The following SLC25A21 variants were observed in gnomAD, a reference collection of about 807,000 sequenced individuals.
SLC25A21 encodes the protein solute carrier family 25 member 21.
In SLC25A21, 47 loss-of-function variants were observed where a neutral mutation model predicts 43.8. The observed-to-expected ratio is 1.07, with a 90% CI of 0.85 to 1.37. The LOEUF (loss-of-function observed/expected upper bound fraction) is 1.37, where lower values mean the gene tolerates loss of function less well. Among genes scored for constraint, SLC25A21 ranks in the 40% most tolerant of loss-of-function variants. The pLI is 0.00. For missense variants in SLC25A21, 352 were observed against 350.2 expected, an observed-to-expected ratio of 1.00 and a Z score of -0.04; for synonymous variants, 131 against 121.3, an observed-to-expected ratio of 1.08 and a Z score of -0.52.
At chr14:36,921,882 C>T (rs1191237051) in intron 1 of SLC25A21, among the ~76,000 whole-genome samples, 1 of 151,954 alleles carries the variant, frequency 6.6e-6, no homozygotes, top group Non-Finnish European at 1.5e-5. Context: ...TGGTGGCTTA[C>T]ACCTGTAAAC....
chr14:36,736,747 A>C lies in SLC25A21; in HGVS notation c.204-2174T>G, dbSNP rs1007287268. Among the ~76,000 whole-genome samples the C allele has an allele frequency of 2.0e-5, 3 of 152,368 alleles. No homozygotes were observed. The East Asian group carries it at 5.8e-4, about 29-fold the overall frequency. ...AGTTATAGGAAGAACAGTTGCTTCA[A>C]CTGGAGAAGAATGATCTTAGGGAGA... On this transcript the variant is annotated intron_variant, in intron 3 of 9. Transcript: ENST00000331299.
intron 2 of SLC25A21, among the ~76,000 whole-genome samples, chr14:36,866,754 T>C (rs544033619): frequency 2.0e-5 from 3 of 152,322 alleles, no homozygotes; most frequent in Admixed American, 2.0e-4. Context: ...TATGGAGCAT[T>C]TGAAATGTGG....
intron 8 of SLC25A21, 105 bp from the exon 9 acceptor site, chr14:36,683,985 T>G: frequency 1.3e-6 from 1 of 744,882 alleles, no homozygotes; most frequent in Non-Finnish European, 2.2e-6. Context: ...ATAAATTATT[T>G]GGAATTACAC....
intron 1 of SLC25A21, among the ~76,000 whole-genome samples, chr14:36,891,902 C>G (rs1476008433): frequency 6.6e-6 from 1 of 152,092 alleles, no homozygotes; most frequent in East Asian, 1.9e-4. Context: ...ACATAGCGAC[C>G]ATGAAGAACA....
At chr14:36,932,028 A>G (rs929993799) in intron 1 of SLC25A21, among the ~76,000 whole-genome samples, 1 of 152,114 alleles carries the variant, frequency 6.6e-6, no homozygotes, top group African/African-American at 2.4e-5. Context: ...GGATTATACC[A>G]TGGATTCTCT....
chr14:36,988,629 A>G (rs912434213), intron 1 of SLC25A21, among the ~76,000 whole-genome samples: 1 of 152,180 alleles, frequency 6.6e-6, no homozygotes, highest in Non-Finnish European at 1.5e-5. Flanking sequence ...CTCACCCCCT[A>G]TTGTATATCT....
At chr14:37,051,750 T>C (rs1356703759) in intron 1 of SLC25A21, among the ~76,000 whole-genome samples, 1 of 152,330 alleles carries the variant, frequency 6.6e-6, no homozygotes, top group South Asian at 2.1e-4. Flanking sequence ...GTAGTTGCTG[T>C]GGTCTTTGTC....
At chr14:36,695,762 C>T (rs946215384) in intron 7 of SLC25A21, among the ~76,000 whole-genome samples, 1 of 152,142 alleles carries the variant, frequency 6.6e-6, no homozygotes, top group South Asian at 2.1e-4. Context: ...GATTTTGTAT[C>T]CTGAGACTTT....
Position 36,954,383 on chromosome 14 carries a change from T to C in SLC25A21, c.71-79379A>G, listed in dbSNP as rs543495405. Among the ~76,000 whole-genome samples the C allele has an allele frequency of 2.6e-5, 4 of 152,156 alleles. No individual in the cohort carries two copies. The East Asian group carries it at 7.7e-4, about 29-fold the overall frequency. On this transcript the variant is annotated intron_variant, in intron 1 of 9. Coordinates refer to ENST00000331299, the MANE Select transcript of SLC25A21 (RefSeq NM_030631.4). The stretch of plus-strand genomic sequence containing the variant: ...AGACTTTCCATTTCTCCTTACTAAC[T>C]ACAGAGGAAGGCCTGAAATCTCTAG...
At chr14:37,020,528 A>C (rs1015728175) in intron 1 of SLC25A21, among the ~76,000 whole-genome samples, 1 of 151,908 alleles carries the variant, frequency 6.6e-6, no homozygotes, top group African/African-American at 2.4e-5. Flanking sequence ...CAAAATAATC[A>C]GAAATATACA....
chr14:36,743,442 A>C (rs1460064612), intron 3 of SLC25A21, among the ~76,000 whole-genome samples: 1 of 152,062 alleles, frequency 6.6e-6, no homozygotes, highest in African/African-American at 2.4e-5. Flanking sequence ...CAAGAAAAAA[A>C]AACAACTCTA....
intron 1 of SLC25A21, among the ~76,000 whole-genome samples, chr14:37,154,268 T>G (rs766025839): frequency 1.3e-4 from 20 of 152,140 alleles, no homozygotes; most frequent in Admixed American, 6.5e-5. Flanking sequence ...TAATCCTGTT[T>G]AGAGCCAAAG....
chr14:37,170,677 A>G (rs1040523403), intron 1 of SLC25A21, among the ~76,000 whole-genome samples: 34 of 151,986 alleles, frequency 2.2e-4, no homozygotes, highest in African/African-American at 8.0e-4. Context: ...CTGTAGTCCC[A>G]CCACTTTGGG....
intron 2 of SLC25A21, among the ~76,000 whole-genome samples, chr14:36,873,304 A>T (rs1890426876): frequency 6.6e-6 from 1 of 151,624 alleles, no homozygotes; most frequent in African/African-American, 2.4e-5. Context: ...TGATTTATTT[A>T]TTTTTTCTTG....
intron 3 of SLC25A21, among the ~76,000 whole-genome samples, chr14:36,745,727 G>T (rs1044892611): frequency 6.6e-6 from 1 of 151,982 alleles, no homozygotes; most frequent in Admixed American, 6.6e-5. Context: ...TAAGTTCTTT[G>T]TAGATTCTGG....
intron 1 of SLC25A21, among the ~76,000 whole-genome samples, chr14:37,048,047 T>C (rs1401289357): frequency 2.0e-5 from 3 of 152,198 alleles, no homozygotes; most frequent in Non-Finnish European, 4.4e-5. Context: ...TTTCATGTTT[T>C]AGACAGAAAA....
intron 2 of SLC25A21, among the ~76,000 whole-genome samples, chr14:36,831,634 C>A (rs1330923937): frequency 1.3e-5 from 2 of 152,008 alleles, no homozygotes; most frequent in Non-Finnish European, 2.9e-5. Context: ...CTGTACAGTC[C>A]CACGTTACTT....
intron 3 of SLC25A21, among the ~76,000 whole-genome samples, chr14:36,784,626 G>C (rs1198086119): frequency 6.6e-6 from 1 of 152,176 alleles, no homozygotes; most frequent in Non-Finnish European, 1.5e-5. Context: ...TAGAAACAGA[G>C]CTCTATGCTA....
At chr14:37,034,022 T>TG (rs998578966) in intron 1 of SLC25A21, among the ~76,000 whole-genome samples, 3 of 140,764 alleles carry the variant, frequency 2.1e-5, no homozygotes, top group Admixed American at 1.4e-4. Context: ...GTCACAATTT[T>TG]GCTTTTTTTT....
Sources: allele counts gnomAD v4.1 joint callset (sites outside exome capture counted in the v4.1 genomes callset), GRCh38; gene constraint gnomAD v4.1.1; transcripts MANE v1.5; gene names NCBI Gene and HGNC (gene_info 2026-07-23, HGNC 2026-07-21).